The following TNRC6C variants were observed in gnomAD, a reference collection of about 807,000 sequenced individuals.
TNRC6C encodes the protein trinucleotide repeat containing adaptor 6C, also known as trinucleotide repeat-containing gene 6C protein.
In TNRC6C, 20 loss-of-function variants were observed where a neutral mutation model predicts 153.7. The observed-to-expected ratio is 0.13, with a 90% CI of 0.09 to 0.19. The LOEUF (loss-of-function observed/expected upper bound fraction) is 0.19, where lower values mean the gene tolerates loss of function less well. TNRC6C is among the 10% of genes least tolerant of loss of function. The probability of loss-of-function intolerance (pLI) is 1.00; values close to 1 mark genes in which losing one functional copy is unlikely to be tolerated. For missense variants in TNRC6C, 1,987 were observed against 2,172.0 expected, an observed-to-expected ratio of 0.91 and a Z score of 1.69; for synonymous variants, 811 against 841.4, an observed-to-expected ratio of 0.96 and a Z score of 0.63.
chr17:77,979,130 A>G (rs2071039597), intron 1 of TNRC6C, among the ~76,000 whole-genome samples: 1 of 152,224 alleles, frequency 6.6e-6, no homozygotes, highest in South Asian at 2.1e-4. Flanking sequence ...TTAAGTGACA[A>G]ATGGAGGATT....
intron 3 of TNRC6C, among the ~76,000 whole-genome samples, chr17:78,058,615 A>G (rs529904511): frequency 1.8e-4 from 27 of 152,362 alleles, no homozygotes; most frequent in African/African-American, 6.0e-4. Flanking sequence ...GTGTCTTCCA[A>G]CAATGGCTAG....
At chr17:78,076,123 G>A (rs1397989986) in intron 8 of TNRC6C, among the ~76,000 whole-genome samples, 1 of 151,996 alleles carries the variant, frequency 6.6e-6, no homozygotes, top group South Asian at 2.1e-4. Context: ...GGCTGAGGCA[G>A]GAGAATTGCT....
At chr17:78,052,919 C>T (rs2072566823) in intron 3 of TNRC6C, among the ~76,000 whole-genome samples, 1 of 152,144 alleles carries the variant, frequency 6.6e-6, no homozygotes, top group Non-Finnish European at 1.5e-5. Flanking sequence ...TTTTGGCCCA[C>T]ATTTTTTCTG....
intron 1 of TNRC6C, among the ~76,000 whole-genome samples, chr17:77,983,360 C>T (rs534147727): frequency 1.3e-5 from 2 of 152,272 alleles, no homozygotes; most frequent in East Asian, 3.9e-4. Context: ...GAAAAGAGGT[C>T]ACTCTCCTGA....
exon 3 of TNRC6C, chr17:78,051,312 G>A (rs752340608): frequency 1.3e-5 from 20 of 1,551,484 alleles, no homozygotes; most frequent in Admixed American, 3.9e-5. Flanking sequence ...GAAACAACCC[G>A]GTCATCCAGA....
chr17:78,096,365 G>T (rs1274784984), intron 16 of TNRC6C, among the ~76,000 whole-genome samples: 2 of 152,160 alleles, frequency 1.3e-5, no homozygotes, highest in East Asian at 3.8e-4. Context: ...CCCCCACGAC[G>T]CACAGTTCAC....
chr17:78,103,396 CT>C lies in TNRC6C; in HGVS notation c.4573-17del, dbSNP rs775862250. On this transcript the variant is annotated splice_polypyrimidine_tract_variant and intron_variant, in intron 18 of 19. Transcript: ENST00000301624. ...ATCAGAAGAAAGCTCATTCATGTCCCTGTGCTTCCTCTATCAGATTGATGGT... is the reference window on the plus strand; with the variant it reads ...ATCAGAAGAAAGCTCATTCATGTCCCGTGCTTCCTCTATCAGATTGATGGT... The C allele has an allele frequency of 6.2e-7, 1 of 1,613,134 alleles. No homozygotes were observed. Among genetic ancestry groups the C allele is most frequent in the African/African-American group, 1.3e-5 (1 of 75,002 alleles).
chr17:78,077,682 C>T (rs1320478567), intron 9 of TNRC6C: 2 of 244,204 alleles, frequency 8.2e-6, no homozygotes, highest in Non-Finnish European at 1.6e-5. Flanking sequence ...CCTCTTTCCT[C>T]ATGGCAACCA....
At position 78,079,475 on chromosome 17, in the gene TNRC6C, A is replaced by G; in HGVS notation, c.3291A>G (p.Pro1097=). 6.2e-7 allele frequency: 1 copy of G among 1,613,908 alleles called. No homozygotes were observed. Among genetic ancestry groups the G allele is most frequent in the East Asian group, 2.2e-5 (1 of 44,874 alleles). Residue 1097 remains proline (P), a synonymous_variant, in exon 10 of 20, where the codon CCA becomes CCG. Coordinates refer to ENST00000301624, the Ensembl canonical transcript of TNRC6C. This position sits in a 1 kb window ranked among gnomAD's most constrained non-coding sequence, Gnocchi z 4.3. ...CCATGCAGCAGCCGCCACAGCCACC[A>G]GTGCAGCCTCTTAACTCTTCCCAGC...
chr17:78,074,997 G>A (rs1331892061), intron 7 of TNRC6C, 139 bp from the exon 10 acceptor site: 12 of 1,133,278 alleles, frequency 1.1e-5, no homozygotes, highest in Non-Finnish European at 1.5e-5. Flanking sequence ...CAAAGCAAGG[G>A]CTCTCTCTGC....
Position 78,044,374 on chromosome 17 carries a change from ATGTT to A in TNRC6C, c.-218-4469_-218-4466del, listed in dbSNP as rs552875310. On this transcript the variant is annotated intron_variant, in intron 2 of 19. Transcript: ENST00000301624. Reference sequence around the variant, plus strand: ...TAAGAATTATTCATTCATTCAATGTATGTTTATTTACTGCTTCTTCTCTGTCAGA... The same window carrying A: ...TAAGAATTATTCATTCATTCAATGTATATTTACTGCTTCTTCTCTGTCAGA... 3.9e-5 allele frequency among the ~76,000 whole-genome samples: 6 copies of A among 152,350 alleles called. No individual in the cohort carries two copies. The East Asian group carries it at 1.2e-3, about 29-fold the overall frequency.
At chr17:77,963,762 A>G (rs1213959341) in intron 1 of TNRC6C, among the ~76,000 whole-genome samples, 1 of 152,202 alleles carries the variant, frequency 6.6e-6, no homozygotes, top group African/African-American at 2.4e-5. Context: ...TGAACTCTTA[A>G]TATTCTCTGT....
rs565077336 is a variant in TNRC6C, at chr17:78,057,110, A to G, written c.2395+5653A>G. 1.8e-4 allele frequency among the ~76,000 whole-genome samples: 28 copies of G among 152,276 alleles called. No individual in the cohort carries two copies. In the East Asian group the frequency reaches 5.0e-3, roughly 27 times the overall value. On this transcript the variant is annotated intron_variant, in intron 3 of 19. Transcript: ENST00000301624. ...TAAAAAGTTACACAAATTTTTTTCC[A>G]TGTGGAAGTGTGCTCACATGCTGAA...
At chr17:78,090,709 A>G (rs1033576004) in intron 13 of TNRC6C, among the ~76,000 whole-genome samples, 4 of 152,202 alleles carry the variant, frequency 2.6e-5, no homozygotes, top group Non-Finnish European at 4.4e-5. Context: ...TTTTAGCTAT[A>G]AGGAATGAGC....
At chr17:77,990,484 A>G (rs776611196) in intron 1 of TNRC6C, among the ~76,000 whole-genome samples, 4 of 152,124 alleles carry the variant, frequency 2.6e-5, no homozygotes, top group East Asian at 1.9e-4. Flanking sequence ...CCGTTTCTCA[A>G]ACATCCTGTG....
chr17:78,095,383 G>C (rs1366295193), intron 16 of TNRC6C, among the ~76,000 whole-genome samples: 1 of 152,214 alleles, frequency 6.6e-6, no homozygotes, highest in Non-Finnish European at 1.5e-5. Flanking sequence ...CTAAGCCTAG[G>C]AAATGCATTG....
chr17:77,972,997 C>G (rs927565216), intron 1 of TNRC6C, among the ~76,000 whole-genome samples: 1 of 152,198 alleles, frequency 6.6e-6, no homozygotes, highest in Non-Finnish European at 1.5e-5. Flanking sequence ...CCTCCGCCTC[C>G]CAGGTTCAAG....
chr17:77,968,442 A>G (rs2070915875), intron 1 of TNRC6C, among the ~76,000 whole-genome samples: 1 of 151,864 alleles, frequency 6.6e-6, no homozygotes, highest in South Asian at 2.1e-4. Flanking sequence ...CCCGGGTTCA[A>G]GCGACTCTTC....
intron 1 of TNRC6C, among the ~76,000 whole-genome samples, chr17:77,984,828 G>GCACACACA (rs56781955): frequency 2.0e-5 from 3 of 149,652 alleles, no homozygotes; most frequent in East Asian, 2.0e-4. Context: ...CCTCTTATAC[G>GCACACACA]CACACACACA....
Sources: allele counts gnomAD v4.1 joint callset (sites outside exome capture counted in the v4.1 genomes callset), GRCh38; gene constraint gnomAD v4.1.1; non-coding constraint Gnocchi (gnomAD v3.1); transcripts MANE v1.5; gene names NCBI Gene and HGNC (gene_info 2026-07-23, HGNC 2026-07-21).